The following CACNA1E variants were observed in gnomAD, a reference collection of about 807,000 sequenced individuals.
The protein encoded by CACNA1E is calcium voltage-gated channel subunit alpha1 E.
A neutral mutation model predicts 259.2 loss-of-function variants in CACNA1E; 40 were observed. That is an observed-to-expected ratio of 0.15 (90% CI 0.12 to 0.20). CACNA1E has a LOEUF of 0.20. Among genes scored for constraint, CACNA1E ranks in the 10% least tolerant of loss-of-function variants. The pLI, the probability that CACNA1E is intolerant of heterozygous loss-of-function variation, is 1.00. For missense variants in CACNA1E, 1,874 were observed against 3,040.1 expected, an observed-to-expected ratio of 0.62 and a Z score of 9.02; for synonymous variants, 1,104 against 1,138.5, an observed-to-expected ratio of 0.97 and a Z score of 0.61.
At chr1:181,408,403 T>A (rs1210218836) in intron 1 of CACNA1E, among the ~76,000 whole-genome samples, 4 of 152,090 alleles carry the variant, frequency 2.6e-5, no homozygotes, top group Non-Finnish European at 5.9e-5. Context: ...AAAAAATAGA[T>A]GAATTAAGAA....
chr1:181,613,896 T>C (rs1430918062), intron 6 of CACNA1E, among the ~76,000 whole-genome samples: 2 of 152,228 alleles, frequency 1.3e-5, no homozygotes, highest in Non-Finnish European at 1.5e-5. Flanking sequence ...GCCTCTTGGT[T>C]GGTAGCAGCT....
In CACNA1E at chr1:181,755,823, G is replaced by A. The variant is rs528633958; in HGVS notation, c.3990-133G>A. 3.1e-5 allele frequency: 29 copies of A among 934,370 alleles called. No individual in the cohort carries two copies. In the African/African-American group the frequency reaches 4.9e-4, roughly 16 times the overall value. 57.9% of individuals were successfully genotyped at this position (934,370 alleles called of 1,614,324 possible). A position where few individuals can be genotyped will look rare whatever the true frequency, so the allele number is the denominator to read the frequency against. On this transcript the variant is annotated intron_variant, in intron 28 of 47. Coordinates refer to ENST00000367573, the MANE Select transcript of CACNA1E (RefSeq NM_001205293.3). The stretch of plus-strand genomic sequence containing the variant: ...ATGGTAAAAATACCTTCCTTTAATA[G>A]AATTCCTTTTGCCTTACACATGTAT...
rs114024108 is a variant in CACNA1E at position 181,694,678 on chromosome 1, T to G, written c.1056-16276T>G. 5.1e-3 allele frequency among the ~76,000 whole-genome samples: 783 copies of G among 152,344 alleles called. 3 individuals carry two copies. The highest frequency in any genetic ancestry group is 9.4e-3 in the Non-Finnish European group (642 of 68,022). ...CCAGAACAATGAGCCATGTTAATTT[T>G]GGTTTATTGTAAATTACCCAGTCTC... On this transcript the variant is annotated intron_variant, in intron 7 of 47. Coordinates refer to ENST00000367573, the MANE Select transcript of CACNA1E (RefSeq NM_001205293.3).
intron 7 of CACNA1E, among the ~76,000 whole-genome samples, chr1:181,663,272 G>A (rs1417341173): frequency 6.6e-6 from 1 of 152,144 alleles, no homozygotes; most frequent in Non-Finnish European, 1.5e-5. Flanking sequence ...GCCTTATGAG[G>A]CAGGTACTGC....
At position 181,464,807 on chromosome 1, in the gene CACNA1E, T is replaced by C. The variant is rs567472458; in HGVS notation, c.435-18937T>C. 2.0e-5 allele frequency among the ~76,000 whole-genome samples: 3 copies of C among 152,308 alleles called. No individual in the cohort carries two copies. In the East Asian group the frequency reaches 5.8e-4, roughly 29 times the overall value. ...AGACTGATACTTCACTTTACAGCTA[T>C]GTCTTGACTTAGTCCGTGTTCCCTG... On this transcript the variant is annotated intron_variant, in intron 2 of 11. Transcript: ENST00000524607.
chr1:181,452,481 A>G (rs1231341825), intron 2 of CACNA1E, among the ~76,000 whole-genome samples: 1 of 152,142 alleles, frequency 6.6e-6, no homozygotes, highest in Non-Finnish European at 1.5e-5. Context: ...GGAGCCCTTC[A>G]GGGATGCCTT....
intron 1 of CACNA1E, among the ~76,000 whole-genome samples, chr1:181,343,388 T>C (rs1475302006): frequency 2.0e-5 from 3 of 152,014 alleles, no homozygotes; most frequent in Non-Finnish European, 4.4e-5. Flanking sequence ...ATGAGTGAGT[T>C]CTTGCTCTAC....
Position 181,580,590 on chromosome 1 carries a change from T to C in CACNA1E, c.770-5T>C. On this transcript the variant is annotated splice_polypyrimidine_tract_variant and splice_region_variant and intron_variant, in intron 5 of 47. Transcript: ENST00000367573. The stretch of plus-strand genomic sequence containing the variant: ...TTATCTCCTACCCTCCAAATGTGTC[T>C]GCAGGTATTCTAGAAGGATTTGACC... 2 of 1,613,766 alleles carry C rather than the reference T, an allele frequency of 1.2e-6. No homozygotes were observed. The highest frequency in any genetic ancestry group is 1.7e-6 in the Non-Finnish European group (2 of 1,179,630).
chr1:181,642,363 T>C (rs1379281439), intron 6 of CACNA1E, among the ~76,000 whole-genome samples: 1 of 152,074 alleles, frequency 6.6e-6, no homozygotes, highest in Non-Finnish European at 1.5e-5. Flanking sequence ...CAATAAATGA[T>C]GGCGACCAGA....
At chr1:181,376,982 A>G (rs1040175255) in intron 1 of CACNA1E, among the ~76,000 whole-genome samples, 1 of 152,148 alleles carries the variant, frequency 6.6e-6, no homozygotes, top group Non-Finnish European at 1.5e-5. Context: ...CTGGTTAAGG[A>G]AAGAGTTTAC....
chr1:181,658,467 T>C (rs953102367), intron 7 of CACNA1E, among the ~76,000 whole-genome samples: 4 of 152,232 alleles, frequency 2.6e-5, no homozygotes, highest in Admixed American at 2.0e-4. Flanking sequence ...GGGATAGCAA[T>C]AGCTCTCTCA....
intron 1 of CACNA1E, among the ~76,000 whole-genome samples, chr1:181,327,261 G>A (rs1650867249): frequency 6.6e-6 from 1 of 152,168 alleles, no homozygotes; most frequent in Admixed American, 6.5e-5. Flanking sequence ...CTATGATGGG[G>A]TCATTGTGCT....
In CACNA1E at chr1:181,502,979, G is replaced by A. The variant is rs530180574; in HGVS notation, c.267-7498G>A. 2.7e-3 allele frequency among the ~76,000 whole-genome samples: 414 copies of A among 152,338 alleles called. 1 individual carries two copies. Among genetic ancestry groups the A allele is most frequent in the Non-Finnish European group, 4.3e-3 (293 of 68,028 alleles). On this transcript the variant is annotated intron_variant, in intron 1 of 47. Coordinates refer to ENST00000367573, the MANE Select transcript of CACNA1E (RefSeq NM_001205293.3). ...CTCCCAAAGTGCTGGGATTGCAGGC[G>A]TGAGCCACTGTGCCTGGCCAGGCCA...
intron 3 of CACNA1E, among the ~76,000 whole-genome samples, chr1:181,524,602 A>G (rs1667221278): frequency 6.6e-6 from 1 of 152,240 alleles, no homozygotes; most frequent in African/African-American, 2.4e-5. Context: ...TTGGTGAGGT[A>G]GAGACCCAGG....
chr1:181,683,220 A>G (rs72733175), intron 7 of CACNA1E, among the ~76,000 whole-genome samples: 17,948 of 152,250 alleles, frequency 0.12, 1,108 homozygotes, highest in Middle Eastern at 0.16. Context: ...ACTTTATGCA[A>G]TGGCACTGGA....
At chr1:181,465,052 A>T (rs185513584) in intron 2 of CACNA1E, among the ~76,000 whole-genome samples, 1 of 152,216 alleles carries the variant, frequency 6.6e-6, no homozygotes, top group East Asian at 1.9e-4. Context: ...GTCTTATAGT[A>T]CTTATTTCCC....
rs1396511531 is a variant in CACNA1E, at chr1:181,798,260, A to G, written c.6400-32A>G. ...GCAAGTAGGGATCATGCCAAGCCCAATCTAACATGCCATGTCTCTCCTGCT... is the reference window on the plus strand; with the variant it reads ...GCAAGTAGGGATCATGCCAAGCCCAGTCTAACATGCCATGTCTCTCCTGCT... On this transcript the variant is annotated intron_variant, in intron 47 of 47. Transcript: ENST00000367573. The surrounding 1 kb of genome is among the most constrained non-coding windows in gnomAD (Gnocchi z 4.2). 1.3e-6 allele frequency: 2 copies of G among 1,539,740 alleles called. No homozygotes were observed. The highest frequency in any genetic ancestry group is 1.8e-6 in the Non-Finnish European group (2 of 1,140,188).
At chr1:181,748,655 C>T (rs1273904316) in intron 25 of CACNA1E, among the ~76,000 whole-genome samples, 2 of 152,172 alleles carry the variant, frequency 1.3e-5, no homozygotes, top group Non-Finnish European at 2.9e-5. Flanking sequence ...TTAGTTCTTC[C>T]TTAAGACAAA....
chr1:181,622,558 C>T (rs1328257692), intron 6 of CACNA1E, among the ~76,000 whole-genome samples: 1 of 152,142 alleles, frequency 6.6e-6, no homozygotes, highest in Non-Finnish European at 1.5e-5. Context: ...TGTGTGCATG[C>T]ATCTTTTGTG....
Sources: gnomAD v4.1 joint callset for allele counts (sites outside exome capture counted in the v4.1 genomes callset) on GRCh38, gnomAD v4.1.1 for gene constraint, Gnocchi (gnomAD v3.1) non-coding constraint, MANE v1.5 for transcripts, NCBI Gene and HGNC (gene_info 2026-07-23, HGNC 2026-07-21) for gene names.